The following RTN1 variants were observed in gnomAD, a reference collection of about 807,000 sequenced individuals.
The protein encoded by RTN1 is reticulon 1.
In RTN1, 25 loss-of-function variants were observed where a neutral mutation model predicts 65.5. That is an observed-to-expected ratio of 0.38 (90% confidence interval 0.28 to 0.53). The LOEUF is 0.53. Ranked by LOEUF, RTN1 falls within the 20% of genes least tolerant of loss-of-function variation. The pLI is 0.79. For missense variants in RTN1, 983 were observed against 1,025.4 expected, an observed-to-expected ratio of 0.96 and a Z score of 0.57; for synonymous variants, 471 against 447.6, an observed-to-expected ratio of 1.05 and a Z score of -0.66.
At chr14:59,812,958 ACTAC>A (rs1886755914) in intron 1 of RTN1, among the ~76,000 whole-genome samples, 2 of 152,220 alleles carry the variant, frequency 1.3e-5, no homozygotes, top group Non-Finnish European at 2.9e-5. Context: ...ACTTTGAGTT[ACTAC>A]CTATTTTTCT....
chr14:59,786,236 T>G (rs1173766648), intron 1 of RTN1, among the ~76,000 whole-genome samples: 1 of 151,822 alleles, frequency 6.6e-6, no homozygotes, highest in Non-Finnish European at 1.5e-5. Context: ...ACAGCAGAGG[T>G]TTTGCAGTCA....
At chr14:59,821,354 T>C (rs1486846391) in intron 1 of RTN1, among the ~76,000 whole-genome samples, 1 of 152,250 alleles carries the variant, frequency 6.6e-6, no homozygotes, top group African/African-American at 2.4e-5. Flanking sequence ...TTTTTGTACG[T>C]TGTTTCTAGT....
At chr14:59,712,511 A>G (rs1310288515) in intron 3 of RTN1, among the ~76,000 whole-genome samples, 1 of 152,240 alleles carries the variant, frequency 6.6e-6, no homozygotes, top group Non-Finnish European at 1.5e-5. Context: ...AGATCAATTC[A>G]ACTTCCGATA....
chr14:59,617,346 G>C (rs1466552276), intron 3 of RTN1, among the ~76,000 whole-genome samples: 1 of 152,190 alleles, frequency 6.6e-6, no homozygotes, highest in Admixed American at 6.5e-5. Flanking sequence ...AGGTATTAAA[G>C]GGTATAAACC....
chr14:59,674,659 G>A (rs1883584686), intron 3 of RTN1, among the ~76,000 whole-genome samples: 1 of 152,184 alleles, frequency 6.6e-6, no homozygotes, highest in Admixed American at 6.5e-5. Flanking sequence ...GTGCCCGTAT[G>A]TGTGTGTATG....
intron 1 of RTN1, among the ~76,000 whole-genome samples, chr14:59,842,911 T>G (rs574764860): frequency 6.6e-6 from 1 of 152,324 alleles, no homozygotes; most frequent in Admixed American, 6.5e-5. Context: ...ATAGGCACTT[T>G]GGAAAACTGT....
chr14:59,621,958 G>A (rs1882265523), intron 3 of RTN1, among the ~76,000 whole-genome samples: 1 of 152,294 alleles, frequency 6.6e-6, no homozygotes, highest in Admixed American at 6.5e-5. Context: ...TCTTAACTGT[G>A]TAATTTTATT....
At chr14:59,605,625 C>G in intron 4 of RTN1, 119 bp from the exon 5 acceptor site, 1 of 1,065,184 alleles carries the variant, frequency 9.4e-7, no homozygotes. Context: ...CAGGAGTCAT[C>G]TCTGGGGGGT....
intron 1 of RTN1, among the ~76,000 whole-genome samples, chr14:59,749,294 A>T (rs1594720068): frequency 1.5e-5 from 1 of 67,864 alleles, no homozygotes; most frequent in South Asian, 5.1e-4. Context: ...ATATCTATAT[A>T]TATCTATATA....
intron 3 of RTN1, among the ~76,000 whole-genome samples, chr14:59,659,195 G>A (rs1375672827): frequency 1.3e-5 from 2 of 151,326 alleles, no homozygotes; most frequent in East Asian, 1.9e-4. Flanking sequence ...AAAAAAAAAA[G>A]AATGAAAAGG....
rs867136772 is a variant in RTN1 at position 59,749,632 on chromosome 14, T to G, written c.242-3151A>C. ...ATATATTTATATAGATATCTATATA[T>G]AGATATCTATATATATTTATATAGA... On this transcript the variant is annotated intron_variant, in intron 1 of 8. Coordinates refer to ENST00000267484, the MANE Select transcript of RTN1 (RefSeq NM_021136.3). Among the ~76,000 whole-genome samples the G allele has an allele frequency of 1.3e-3, 74 of 58,828 alleles. 6 individuals are homozygous for G. The highest frequency in any genetic ancestry group is 8.6e-3 in the African/African-American group (70 of 8,138). The allele number at this position is 58,828 out of a possible 152,430, so 38.6% of individuals were successfully genotyped here.
Position 59,829,674 on chromosome 14 carries a change from A to G in RTN1, c.241+40716T>C, listed in dbSNP as rs1302670596. 2.6e-4 allele frequency among the ~76,000 whole-genome samples: 40 copies of G among 152,206 alleles called. No homozygotes were observed. Among genetic ancestry groups the G allele is most frequent in the Admixed American group, 2.6e-3 (40 of 15,276 alleles). On this transcript the variant is annotated intron_variant, in intron 1 of 8. Coordinates refer to ENST00000267484, the MANE Select transcript of RTN1 (RefSeq NM_021136.3). The surrounding 1 kb of genome is among the most constrained non-coding windows in gnomAD (Gnocchi z 4.3). Reference sequence around the variant, plus strand: ...GGTTGGCTTGGGGACTCTGCTCTCCACAGTCCTCACACAGGGAGCAGGCAG... The same window carrying G: ...GGTTGGCTTGGGGACTCTGCTCTCCGCAGTCCTCACACAGGGAGCAGGCAG...
rs374851211 is a variant in RTN1 at position 59,661,115 on chromosome 14, C to T, written c.1766-53623G>A. On this transcript the variant is annotated intron_variant, in intron 3 of 8. Transcript: ENST00000267484. ...TCAGAGAATACTATAAACACCTCTA[C>T]ACAAATAAATGAGAAAATCTAGAAG... 1.4e-4 allele frequency among the ~76,000 whole-genome samples: 21 copies of T among 152,004 alleles called. No homozygotes were observed. The South Asian group carries it at 2.5e-3, about 18-fold the overall frequency.
chr14:59,716,989 A>ACAAACAAAC lies in RTN1; in HGVS notation c.1765+9929_1765+9930insGTTTGTTTG, dbSNP rs61547655. 4.1e-3 allele frequency among the ~76,000 whole-genome samples: 609 copies of ACAAACAAAC among 147,056 alleles called. 3 individuals carry two copies. Among genetic ancestry groups the ACAAACAAAC allele is most frequent in the Middle Eastern group, 0.021 (6 of 286 alleles). ...TCTCAACAAACAAACAAACAAACAA[A>ACAAACAAAC]AAAAAAAAAAAAAAGAAGTAGAGGT... On this transcript the variant is annotated intron_variant, in intron 3 of 8. Transcript: ENST00000267484.
intron 3 of RTN1, among the ~76,000 whole-genome samples, chr14:59,637,382 C>G (rs1236405189): frequency 2.0e-5 from 3 of 152,142 alleles, no homozygotes; most frequent in Non-Finnish European, 2.9e-5. Context: ...GCACTTACTT[C>G]CTCCACTGAA....
chr14:59,712,646 G>A (rs1884447959), intron 3 of RTN1, among the ~76,000 whole-genome samples: 1 of 152,214 alleles, frequency 6.6e-6, no homozygotes, highest in Admixed American at 6.5e-5. Context: ...ATTAGGCCGG[G>A]CGTGGTGGCT....
chr14:59,730,549 T>C (rs750507285), intron 2 of RTN1, among the ~76,000 whole-genome samples: 5 of 152,162 alleles, frequency 3.3e-5, no homozygotes, highest in Non-Finnish European at 7.4e-5. Flanking sequence ...GAGAATACCA[T>C]AGAGAAAGTG....
At chr14:59,707,250 A>G (rs1206580642) in intron 3 of RTN1, among the ~76,000 whole-genome samples, 3 of 152,276 alleles carry the variant, frequency 2.0e-5, no homozygotes, top group African/African-American at 7.2e-5. Context: ...ATCTTTAACA[A>G]GAGCCTCAAG....
intron 3 of RTN1, among the ~76,000 whole-genome samples, chr14:59,689,884 T>C (rs1380482563): frequency 1.3e-5 from 2 of 152,068 alleles, no homozygotes; most frequent in African/African-American, 4.8e-5. Context: ...CCACAGACCC[T>C]ATAAAGCAGC....
Sources: gnomAD v4.1 joint callset for allele counts (sites outside exome capture counted in the v4.1 genomes callset) on GRCh38, gnomAD v4.1.1 for gene constraint, Gnocchi (gnomAD v3.1) non-coding constraint, MANE v1.5 for transcripts, NCBI Gene and HGNC (gene_info 2026-07-23, HGNC 2026-07-21) for gene names.